Variants in HCN1 observed in about 807,000 individuals in gnomAD.
The protein encoded by HCN1 is hyperpolarization activated cyclic nucleotide gated potassium channel 1, also known as potassium/sodium hyperpolarization-activated cyclic nucleotide-gated channel 1.
A neutral mutation model predicts 78.9 loss-of-function variants in HCN1; 13 were observed. The ratio of observed to expected loss-of-function variants is 0.16; its 90% CI spans 0.11 to 0.26. The LOEUF is 0.26. Among genes scored for constraint, HCN1 ranks in the 10% least tolerant of loss-of-function variants. The probability of loss-of-function intolerance (pLI) is 1.00; values close to 1 mark genes in which losing one functional copy is unlikely to be tolerated. For missense variants in HCN1, 810 were observed against 1,154.3 expected, an observed-to-expected ratio of 0.70 and a Z score of 4.32; for synonymous variants, 552 against 455.5, an observed-to-expected ratio of 1.21 and a Z score of -2.70.
chr5:45,672,793 C>T (rs1416622676), intron 1 of HCN1, among the ~76,000 whole-genome samples: 4 of 151,324 alleles, frequency 2.6e-5, no homozygotes, highest in African/African-American at 7.3e-5. Flanking sequence ...GAGTCTTTCG[C>T]TGCTAAAAGG....
intron 2 of HCN1, among the ~76,000 whole-genome samples, chr5:45,599,606 A>C (rs770231291): frequency 6.6e-6 from 1 of 152,108 alleles, no homozygotes; most frequent in Non-Finnish European, 1.5e-5. Flanking sequence ...AACAAAAGAT[A>C]ATCACTGTAA....
At chr5:45,370,221 T>C (rs1478634477) in intron 4 of HCN1, among the ~76,000 whole-genome samples, 1 of 151,994 alleles carries the variant, frequency 6.6e-6, no homozygotes, top group Non-Finnish European at 1.5e-5. Flanking sequence ...AATTACCAAA[T>C]TTGATTAAAA....
intron 1 of HCN1, among the ~76,000 whole-genome samples, chr5:45,672,644 A>G (rs548850981): frequency 6.6e-6 from 1 of 151,354 alleles, no homozygotes; most frequent in Admixed American, 6.6e-5. Context: ...GACGGTTGCC[A>G]TATTTAATAA....
At chr5:45,296,567 C>G (rs1243873846) in intron 6 of HCN1, among the ~76,000 whole-genome samples, 1 of 151,484 alleles carries the variant, frequency 6.6e-6, no homozygotes, top group African/African-American at 2.4e-5. Flanking sequence ...GCAAAATAGA[C>G]TAAAGAAAGC....
chr5:45,286,577 C>T (rs1267564435), intron 6 of HCN1, among the ~76,000 whole-genome samples: 2 of 152,024 alleles, frequency 1.3e-5, no homozygotes, highest in African/African-American at 2.4e-5. Context: ...CTTTCTCACT[C>T]ATGTCCAATC....
At chr5:45,541,317 G>A (rs141937742) in intron 2 of HCN1, among the ~76,000 whole-genome samples, 1 of 152,126 alleles carries the variant, frequency 6.6e-6, no homozygotes, top group African/African-American at 2.4e-5. Context: ...CCAGAGCTCT[G>A]TTCTCTAGTT....
chr5:45,262,053 C>G lies in HCN1; in HGVS notation c.2541G>C (p.Ser847=), dbSNP rs1158586028. ...QRVTLFRQMS[S]GAIPPNRGVP... ...CTCCTCGGTTCGGGGGGATGGCTCC[C>G]GACGACATCTGTCGGAAGAGGGTGA... Residue 847 remains serine, a synonymous_variant, in exon 8 of 8, where the codon TCG becomes TCC. Transcript: ENST00000303230. 5 of 1,613,872 alleles carry G rather than the reference C, an allele frequency of 3.1e-6. No individual in the cohort carries two copies. The East Asian group carries it at 8.9e-5, about 29-fold the overall frequency.
At chr5:45,437,729 A>G (rs1740584555) in intron 3 of HCN1, among the ~76,000 whole-genome samples, 1 of 152,234 alleles carries the variant, frequency 6.6e-6, no homozygotes, top group South Asian at 2.1e-4. Flanking sequence ...GCCAGGTGCA[A>G]CAATTATCTA....
At chr5:45,665,116 C>A (rs1424653151) in intron 1 of HCN1, among the ~76,000 whole-genome samples, 37 of 151,478 alleles carry the variant, frequency 2.4e-4, no homozygotes, top group African/African-American at 8.0e-4. Context: ...TACTATGTAG[C>A]CATAAAAAAT....
chr5:45,685,454 C>T (rs1739785101), intron 1 of HCN1, among the ~76,000 whole-genome samples: 1 of 152,180 alleles, frequency 6.6e-6, no homozygotes, highest in South Asian at 2.1e-4. Context: ...TGTCTCATGC[C>T]TGTAACGTCA....
intron 4 of HCN1, among the ~76,000 whole-genome samples, chr5:45,378,324 A>G (rs771770398): frequency 6.6e-6 from 1 of 152,044 alleles, no homozygotes; most frequent in Non-Finnish European, 1.5e-5. Flanking sequence ...TATCCTTTGT[A>G]ACTACAATAA....
chr5:45,366,113 T>A (rs1405969840), intron 4 of HCN1, among the ~76,000 whole-genome samples: 1 of 151,748 alleles, frequency 6.6e-6, no homozygotes, highest in African/African-American at 2.4e-5. Flanking sequence ...ATTAAAATGA[T>A]GCAAATATTT....
chr5:45,391,892 C>T (rs1175900882), intron 4 of HCN1, among the ~76,000 whole-genome samples: 8 of 151,974 alleles, frequency 5.3e-5, no homozygotes, highest in African/African-American at 1.2e-4. Flanking sequence ...GATCAAGAAA[C>T]ATTCCCACAG....
At chr5:45,337,341 C>G (rs548856266) in intron 5 of HCN1, among the ~76,000 whole-genome samples, 1 of 152,180 alleles carries the variant, frequency 6.6e-6, no homozygotes, top group East Asian at 1.9e-4. Flanking sequence ...TGCCAGCATG[C>G]TTTTGTAATA....
At chr5:45,309,022 T>G (rs1000586840) in intron 5 of HCN1, among the ~76,000 whole-genome samples, 15 of 152,208 alleles carry the variant, frequency 9.9e-5, no homozygotes, top group African/African-American at 3.6e-4. Flanking sequence ...TCCATTTGTT[T>G]GTATCATCTC....
chr5:45,445,778 G>C (rs181422497), intron 3 of HCN1, among the ~76,000 whole-genome samples: 4,627 of 152,206 alleles, frequency 0.03, 273 homozygotes, highest in African/African-American at 0.1. Flanking sequence ...AGGCAAACAG[G>C]GTCTGGAGTG....
intron 2 of HCN1, among the ~76,000 whole-genome samples, chr5:45,496,048 T>A (rs1249697240): frequency 1.3e-5 from 2 of 152,170 alleles, no homozygotes; most frequent in Non-Finnish European, 2.9e-5. Context: ...TCAAGGATAT[T>A]GGTCTAAAAT....
intron 6 of HCN1, among the ~76,000 whole-genome samples, chr5:45,273,773 C>A (rs1745003264): frequency 6.6e-6 from 1 of 152,108 alleles, no homozygotes; most frequent in Non-Finnish European, 1.5e-5. Context: ...GTTATAATAA[C>A]ATGTAACAGA....
intron 3 of HCN1, among the ~76,000 whole-genome samples, chr5:45,417,640 A>C (rs1740142981): frequency 6.6e-6 from 1 of 151,700 alleles, no homozygotes; most frequent in Non-Finnish European, 1.5e-5. Flanking sequence ...AATATAAATA[A>C]ATATAACAAC....
Sources: allele counts gnomAD v4.1 joint callset (sites outside exome capture counted in the v4.1 genomes callset), GRCh38; gene constraint gnomAD v4.1.1; transcripts MANE v1.5; gene names NCBI Gene and HGNC (gene_info 2026-07-23, HGNC 2026-07-21).